Variants in SMARCAL1 observed in about 807,000 individuals in gnomAD.
The protein encoded by SMARCAL1 is ATP-driven annealing helicase.
A neutral mutation model predicts 94.5 loss-of-function variants in SMARCAL1; 58 were observed. That is an observed-to-expected ratio of 0.61 (90% confidence interval 0.50 to 0.76). The LOEUF is 0.76. Ranked by LOEUF, SMARCAL1 falls within the 30% of genes least tolerant of loss-of-function variation. SMARCAL1 has a pLI of 0.00. For missense variants in SMARCAL1, 1,051 were observed against 1,177.9 expected (o/e 0.89, Z 1.58); for synonymous variants, 422 against 455.1 (o/e 0.93, Z 0.93).
In SMARCAL1 at chr2:216,454,881, G is replaced by A. The variant is rs147310843; in HGVS notation, c.2070+3817G>A. 3.3e-3 allele frequency among the ~76,000 whole-genome samples: 501 copies of A among 152,338 alleles called. 2 individuals carry two copies. Among genetic ancestry groups the A allele is most frequent in the African/African-American group, 0.012 (483 of 41,572 alleles). On this transcript the variant is annotated intron_variant, in intron 12 of 17. Coordinates refer to ENST00000357276, the MANE Select transcript of SMARCAL1 (RefSeq NM_014140.4). The stretch of plus-strand genomic sequence containing the variant: ...GGACAGTGGGTGCAGCACACCGAGC[G>A]TGAGCGGAAGCAGGGCGAGGCATCG...
intron 8 of SMARCAL1, among the ~76,000 whole-genome samples, chr2:216,434,088 G>C (rs1050503893): frequency 1.3e-5 from 2 of 151,620 alleles, no homozygotes; most frequent in African/African-American, 4.9e-5. Flanking sequence ...TGATCCTTCT[G>C]CCTTGGCCTC....
rs763712548 is a variant in SMARCAL1, at chr2:216,482,762, G to A, written c.2650G>A (p.Asp884Asn). 5.0e-6 allele frequency: 8 copies of A among 1,613,878 alleles called. No homozygotes were observed. The highest frequency in any genetic ancestry group is 2.7e-5 in the African/African-American group (2 of 74,850). ...GGACCCAAAGCAGCAGAAGATCTAC[G>A]ACCTATTCCAGAAGTCCTTTGAGAA... ...YKDPKQQKIY[D>N]LFQKSFEKEG... Residue 884 changes from aspartate (D) to asparagine (N), a missense_variant, in exon 18 of 18, where the codon GAC becomes AAC. This residue lies in a region of SMARCAL1 where 642 missense variants were observed against 754.7 expected (regional missense o/e 0.85). Coordinates refer to ENST00000357276, the MANE Select transcript of SMARCAL1 (RefSeq NM_014140.4). The surrounding 1 kb of genome is among the most constrained non-coding windows in gnomAD (Gnocchi z 4.3).
chr2:216,430,006 C>T (rs564328525), intron 7 of SMARCAL1, among the ~76,000 whole-genome samples: 10 of 152,240 alleles, frequency 6.6e-5, no homozygotes, highest in Non-Finnish European at 1.3e-4. Context: ...GTTGCCCAGC[C>T]CCACCCCCTG....
intron 2 of SMARCAL1, 58 bp from the exon 3 acceptor site, chr2:216,414,589 G>A (rs934838777): frequency 2.3e-6 from 2 of 869,288 alleles, no homozygotes; most frequent in Non-Finnish European, 3.8e-6. Flanking sequence ...AATCATGGTT[G>A]GAGTATGACA....
intron 17 of SMARCAL1, among the ~76,000 whole-genome samples, chr2:216,479,921 A>G (rs564389150): frequency 1.3e-5 from 2 of 152,266 alleles, no homozygotes; most frequent in African/African-American, 2.4e-5. Context: ...GCATGATGGC[A>G]CATGCCTGTA....
intron 12 of SMARCAL1, among the ~76,000 whole-genome samples, chr2:216,454,271 G>A (rs1694510381): frequency 6.6e-6 from 1 of 152,106 alleles, no homozygotes; most frequent in East Asian, 1.9e-4. Context: ...ACAGTTTGGG[G>A]GAGTTTTTTT....
In SMARCAL1 at chr2:216,428,855, GC is replaced by G; in HGVS notation, c.1334+74del. 2.2e-6 allele frequency: 3 copies of G among 1,365,590 alleles called. No individual in the cohort carries two copies. In the Admixed American group the frequency reaches 5.0e-5, roughly 23 times the overall value. 84.6% of individuals were successfully genotyped at this position (1,365,590 alleles called of 1,614,324 possible). A position where few individuals can be genotyped will look rare whatever the true frequency, so the allele number is the denominator to read the frequency against. On this transcript the variant is annotated intron_variant, in intron 7 of 17. Transcript: ENST00000357276. ...TACTCACCACAGACTGCATTCAGATGCTTCCTGTTTTATGAACTTTTATTTA... is the reference window on the plus strand; with the variant it reads ...TACTCACCACAGACTGCATTCAGATGTTCCTGTTTTATGAACTTTTATTTA...
At chr2:216,445,451 A>G (rs1268948956) in intron 10 of SMARCAL1, among the ~76,000 whole-genome samples, 3 of 152,144 alleles carry the variant, frequency 2.0e-5, no homozygotes, top group Non-Finnish European at 4.4e-5. Flanking sequence ...AATACTAACT[A>G]CATCCTATAA....
Position 216,447,125 on chromosome 2 carries a change from T to C in SMARCAL1, c.1818T>C (p.His606=). The change falls in exon 11 of 18, where the codon CAT becomes CAC. Residue 606 remains histidine (H), a synonymous_variant. Coordinates refer to ENST00000357276, the MANE Select transcript of SMARCAL1 (RefSeq NM_014140.4). ...AGCCAACTTTCTTCCCCCAGTTTCATGCCTTTGGACTTCGCTACTGTGATG... is the reference window on the plus strand; with the variant it reads ...AGCCAACTTTCTTCCCCCAGTTTCACGCCTTTGGACTTCGCTACTGTGATG... ...AVKPTFFPQF[H]AFGLRYCDAK... 6.2e-7 allele frequency: 1 copy of C among 1,614,104 alleles called. No individual in the cohort carries two copies. Among genetic ancestry groups the C allele is most frequent in the Non-Finnish European group, 8.5e-7 (1 of 1,180,026 alleles).
At chr2:216,450,176 G>A (rs1293856344) in intron 11 of SMARCAL1, among the ~76,000 whole-genome samples, 1 of 152,152 alleles carries the variant, frequency 6.6e-6, no homozygotes, top group East Asian at 1.9e-4. Context: ...GCTGTGTGAT[G>A]GGGAATGAAC....
chr2:216,415,891 T>TGG, intron 3 of SMARCAL1: 1 of 384,660 alleles, frequency 2.6e-6, no homozygotes, highest in South Asian at 2.5e-5. Flanking sequence ...CCCAGTTTCA[T>TGG]TGGTCTGGAA....
chr2:216,465,231 G>A (rs1160349795), intron 13 of SMARCAL1, among the ~76,000 whole-genome samples: 2 of 152,192 alleles, frequency 1.3e-5, no homozygotes, highest in Non-Finnish European at 2.9e-5. Context: ...TAACTGGAGC[G>A]ACTACTAGGA....
At chr2:216,449,994 C>T (rs552894894) in intron 11 of SMARCAL1, among the ~76,000 whole-genome samples, 2 of 152,150 alleles carry the variant, frequency 1.3e-5, no homozygotes, top group South Asian at 2.1e-4. Context: ...CATGCTACCA[C>T]GCCGGCTAAT....
chr2:216,481,511 A>AT (rs1218114828), intron 17 of SMARCAL1, among the ~76,000 whole-genome samples: 116 of 107,460 alleles, frequency 1.1e-3, no homozygotes, highest in South Asian at 1.7e-3. Flanking sequence ...TTATGTATTT[A>AT]TTTTTTTTTT....
chr2:216,451,047 A>G lies in SMARCAL1; in HGVS notation c.2053A>G (p.Thr685Ala). The change falls in exon 12 of 18, where the codon ACC becomes GCC. Residue 685 changes from threonine (T) to alanine (A), a missense_variant. Thr to Ala is a moderately conservative substitution (Grantham distance 58). Coordinates refer to ENST00000357276, the MANE Select transcript of SMARCAL1 (RefSeq NM_014140.4). Reference sequence around the variant, plus strand: ...CCTGGATGCTGCAGCCAAGGAAATGACCACCAAGGACAAAACTGTGAGTCC... The same window carrying G: ...CCTGGATGCTGCAGCCAAGGAAATGGCCACCAAGGACAAAACTGTGAGTCC... The part of the protein sequence containing the change: ...AALDAAAKEM[T>A]TKDKTKQQQK... 1 of 1,614,070 alleles carries G rather than the reference A, an allele frequency of 6.2e-7. No homozygotes were observed. The highest frequency in any genetic ancestry group is 8.5e-7 in the Non-Finnish European group (1 of 1,179,940).
chr2:216,454,420 G>A lies in SMARCAL1; in HGVS notation c.2070+3356G>A, dbSNP rs117370676. Reference sequence around the variant, plus strand: ...CTGGGCATGGTGCTTTACGTGTATTGCGTCATTAAATTCTCACCATCAGCC... The same window carrying A: ...CTGGGCATGGTGCTTTACGTGTATTACGTCATTAAATTCTCACCATCAGCC... On this transcript the variant is annotated intron_variant, in intron 12 of 17. Coordinates refer to ENST00000357276, the MANE Select transcript of SMARCAL1 (RefSeq NM_014140.4). Among the ~76,000 whole-genome samples the A allele has an allele frequency of 2.0e-5, 3 of 152,250 alleles. No homozygotes were observed. The East Asian group carries it at 5.8e-4, about 29-fold the overall frequency.
At chr2:216,473,759 A>G (rs1695013445) in intron 14 of SMARCAL1, among the ~76,000 whole-genome samples, 1 of 152,228 alleles carries the variant, frequency 6.6e-6, no homozygotes, top group Admixed American at 6.5e-5. Context: ...TATCACTAGC[A>G]AGAATAAATA....
chr2:216,430,583 A>T (rs983044493), intron 7 of SMARCAL1, among the ~76,000 whole-genome samples: 12 of 152,212 alleles, frequency 7.9e-5, no homozygotes, highest in African/African-American at 2.9e-4. Context: ...TTCCTCTGTT[A>T]TCCAGGCTTT....
rs562758006 is a variant in SMARCAL1, at chr2:216,425,839, G to A, written c.1147+2156G>A. On this transcript the variant is annotated intron_variant, in intron 6 of 17. Transcript: ENST00000357276. ...AAAAGCACCATTCGATTGGCTAAAA[G>A]GCATTGAGGAAGTTCTTATTCTGGG... is the stretch of plus-strand genomic sequence containing the variant. Among the ~76,000 whole-genome samples, 8 of 152,264 alleles carry A rather than the reference G, an allele frequency of 5.3e-5. No individual in the cohort carries two copies. In the South Asian group the frequency reaches 1.4e-3, roughly 28 times the overall value.
Sources: gnomAD v4.1 joint callset for allele counts (sites outside exome capture counted in the v4.1 genomes callset) on GRCh38, gnomAD v4.1.1 for gene constraint, gnomAD v4.1.1 regional missense constraint, Gnocchi (gnomAD v3.1) non-coding constraint, MANE v1.5 for transcripts, NCBI Gene and HGNC (gene_info 2026-07-23, HGNC 2026-07-21) for gene names.